KCNQ5: variants seen among roughly 807,000 people sequenced by gnomAD.
KCNQ5 encodes potassium voltage-gated channel subfamily KQT member 5.
A neutral mutation model predicts 98.2 loss-of-function variants in KCNQ5; 30 were observed. The observed-to-expected ratio is 0.31, with a 90% confidence interval of 0.23 to 0.41. The LOEUF (loss-of-function observed/expected upper bound fraction) is 0.41, where lower values mean the gene tolerates loss of function less well. KCNQ5 is among the 10% of genes least tolerant of loss of function. KCNQ5 has a pLI of 1.00. For synonymous variants in KCNQ5, 458 were observed against 449.4 expected, an observed-to-expected ratio of 1.02 and a Z score of -0.24; for missense variants, 835 against 1,182.5, an observed-to-expected ratio of 0.71 and a Z score of 4.31.
At chr6:72,814,721 C>T (rs1355395969) in intron 1 of KCNQ5, among the ~76,000 whole-genome samples, 3 of 152,188 alleles carry the variant, frequency 2.0e-5, no homozygotes, top group South Asian at 4.1e-4. Context: ...TCAGTCTTTC[C>T]CTTTATCATC....
intron 11 of KCNQ5, among the ~76,000 whole-genome samples, chr6:73,178,297 T>C (rs1007197127): frequency 6.6e-6 from 1 of 151,500 alleles, no homozygotes; most frequent in Admixed American, 6.6e-5. Flanking sequence ...AACAAAAATC[T>C]ACAGGAGGGG....
chr6:72,700,069 A>C (rs1446593123), intron 1 of KCNQ5, among the ~76,000 whole-genome samples: 1 of 152,190 alleles, frequency 6.6e-6, no homozygotes, highest in Non-Finnish European at 1.5e-5. Flanking sequence ...GCACTCAATA[A>C]ATGTAAAATA....
intron 7 of KCNQ5, among the ~76,000 whole-genome samples, chr6:73,112,416 G>GCTCA (rs1352702065): frequency 2.6e-5 from 4 of 151,736 alleles, no homozygotes; most frequent in African/African-American, 7.3e-5. Context: ...TGCGATCTCG[G>GCTCA]CTCACTGCAA....
chr6:72,786,732 C>T (rs562376978), intron 1 of KCNQ5, among the ~76,000 whole-genome samples: 5 of 151,950 alleles, frequency 3.3e-5, no homozygotes, highest in Admixed American at 2.0e-4. Flanking sequence ...CTGGGCCGGG[C>T]GCGGTGGCTC....
chr6:72,861,854 C>T (rs1173775586), intron 1 of KCNQ5, among the ~76,000 whole-genome samples: 2 of 151,804 alleles, frequency 1.3e-5, no homozygotes, highest in African/African-American at 4.8e-5. Flanking sequence ...GATCCACCCC[C>T]AGCTGTCAAG....
chr6:73,110,755 G>A (rs1434980550), intron 6 of KCNQ5, among the ~76,000 whole-genome samples: 1 of 152,070 alleles, frequency 6.6e-6, no homozygotes, highest in East Asian at 1.9e-4. Flanking sequence ...ACTACAGCTG[G>A]GACAGATTTT....
chr6:72,999,110 T>C (rs1769445311), intron 1 of KCNQ5, among the ~76,000 whole-genome samples: 1 of 152,236 alleles, frequency 6.6e-6, no homozygotes, highest in Non-Finnish European at 1.5e-5. Context: ...ATTTTCATTC[T>C]TGCTAAATGA....
intron 1 of KCNQ5, among the ~76,000 whole-genome samples, chr6:72,629,046 C>T (rs559663015): frequency 6.6e-6 from 1 of 152,290 alleles, no homozygotes; most frequent in South Asian, 2.1e-4. Flanking sequence ...TATTATATCA[C>T]CAGCACCCAG....
chr6:73,086,843 G>A (rs1436368514), intron 5 of KCNQ5, among the ~76,000 whole-genome samples: 2 of 152,198 alleles, frequency 1.3e-5, no homozygotes, highest in African/African-American at 4.8e-5. Context: ...TCTCCAATGA[G>A]GGAGTATTTT....
At chr6:72,998,034 A>G (rs915267439) in intron 1 of KCNQ5, among the ~76,000 whole-genome samples, 1 of 152,210 alleles carries the variant, frequency 6.6e-6, no homozygotes, top group African/African-American at 2.4e-5. Flanking sequence ...TTATGGAAAC[A>G]TTATGCATAA....
At chr6:73,146,397 T>A (rs7764571) in intron 10 of KCNQ5, among the ~76,000 whole-genome samples, 39,791 of 152,030 alleles carry the variant, frequency 0.26, 10,510 homozygotes, top group African/African-American at 0.67. Flanking sequence ...GGCCCAGGCC[T>A]GTGGATCACT....
intron 10 of KCNQ5, among the ~76,000 whole-genome samples, chr6:73,167,991 A>G (rs1322946771): frequency 6.6e-6 from 1 of 152,220 alleles, no homozygotes; most frequent in East Asian, 1.9e-4. Context: ...TTCAAAAAAT[A>G]ACACTATTAT....
intron 9 of KCNQ5, among the ~76,000 whole-genome samples, chr6:73,125,729 A>G (rs1775954246): frequency 6.6e-6 from 1 of 152,188 alleles, no homozygotes; most frequent in South Asian, 2.1e-4. Flanking sequence ...GCATTCGTCT[A>G]TGATGGGAGA....
chr6:73,064,765 A>G (rs1447819968), intron 3 of KCNQ5, among the ~76,000 whole-genome samples: 1 of 152,204 alleles, frequency 6.6e-6, no homozygotes, highest in Non-Finnish European at 1.5e-5. Flanking sequence ...ATCAGAAAAT[A>G]CACATGACTT....
At chr6:72,818,448 A>C (rs776921581) in intron 1 of KCNQ5, among the ~76,000 whole-genome samples, 2 of 152,100 alleles carry the variant, frequency 1.3e-5, no homozygotes, top group Non-Finnish European at 2.9e-5. Flanking sequence ...TATTTTTCTG[A>C]GTACTATACA....
chr6:72,857,364 T>TGGGG (rs1777576028), intron 1 of KCNQ5, among the ~76,000 whole-genome samples: 1 of 152,196 alleles, frequency 6.6e-6, no homozygotes, highest in African/African-American at 2.4e-5. Context: ...AGATCAATCA[T>TGGGG]AATTTTTTCC....
chr6:73,162,719 CAAAT>C (rs1777660217), intron 10 of KCNQ5, among the ~76,000 whole-genome samples: 1 of 152,172 alleles, frequency 6.6e-6, no homozygotes, highest in Non-Finnish European at 1.5e-5. Context: ...AGCAGGTCCA[CAAAT>C]AAAATTGTTT....
intron 1 of KCNQ5, among the ~76,000 whole-genome samples, chr6:72,708,703 G>A (rs1769213840): frequency 6.6e-6 from 1 of 152,070 alleles, no homozygotes; most frequent in African/African-American, 2.4e-5. Flanking sequence ...TGTATTTTTT[G>A]TAGAGACGGT....
At chr6:72,746,416 C>T (rs1316068331) in intron 1 of KCNQ5, among the ~76,000 whole-genome samples, 3 of 152,126 alleles carry the variant, frequency 2.0e-5, no homozygotes, top group Non-Finnish European at 4.4e-5. Flanking sequence ...CTTTTACTTT[C>T]TTTCAGAAAG....
Sources: allele counts gnomAD v4.1 joint callset (sites outside exome capture counted in the v4.1 genomes callset), GRCh38; gene constraint gnomAD v4.1.1; transcripts MANE v1.5; gene names NCBI Gene and HGNC (gene_info 2026-07-23, HGNC 2026-07-21).